TP63: variants seen among roughly 807,000 people sequenced by gnomAD.
The protein encoded by TP63 is tumor protein p63, also known as tumor protein 63.
A neutral mutation model predicts 82.8 loss-of-function variants in TP63; 17 were observed. The ratio of observed to expected loss-of-function variants is 0.21; its 90% CI spans 0.14 to 0.31. TP63 has a LOEUF of 0.31. Ranked by LOEUF, TP63 falls within the 10% of genes least tolerant of loss-of-function variation. The probability of loss-of-function intolerance (pLI) is 1.00; values close to 1 mark genes in which losing one functional copy is unlikely to be tolerated. For synonymous variants in TP63, 330 were observed against 321.7 expected (o/e 1.03, Z -0.28); for missense variants, 648 against 895.3 (o/e 0.72, Z 3.52).
chr3:189,844,374 CT>C (rs1391862906), intron 4 of TP63: 1 of 368,820 alleles, frequency 2.7e-6, no homozygotes, highest in African/African-American at 2.1e-5. Flanking sequence ...CAACCTCCGC[CT>C]TCTGGATTCA....
intron 6 of TP63, 55 bp downstream of exon 6, chr3:189,866,852 T>G (rs1717790706): frequency 7.2e-7 from 1 of 1,386,860 alleles, no homozygotes; most frequent in Non-Finnish European, 1.0e-6. Flanking sequence ...TGAGTAGACT[T>G]GAGAGAACAT....
chr3:189,627,601 A>G (rs865876064), upstream of TP63, among the ~76,000 whole-genome samples: 1 of 152,214 alleles, frequency 6.6e-6, no homozygotes, highest in African/African-American at 2.4e-5. Context: ...ACTAGTGGCT[A>G]CCACATCAGA....
At chr3:189,887,151 G>A (rs1454878029) in intron 11 of TP63, among the ~76,000 whole-genome samples, 1 of 150,162 alleles carries the variant, frequency 6.7e-6, no homozygotes, top group Non-Finnish European at 1.5e-5. Context: ...AGAGGTTGCA[G>A]TAAGGTGAGA....
chr3:189,764,822 TC>T (rs1461904535), intron 3 of TP63, among the ~76,000 whole-genome samples: 8 of 152,216 alleles, frequency 5.3e-5, no homozygotes, highest in African/African-American at 1.9e-4. Flanking sequence ...TTTTTGTACT[TC>T]GGCGGCACAG....
intron 5 of TP63, among the ~76,000 whole-genome samples, chr3:189,866,330 C>T (rs1717718615): frequency 6.6e-6 from 1 of 152,024 alleles, no homozygotes; most frequent in African/African-American, 2.4e-5. Flanking sequence ...AATTAATTTG[C>T]TTATTTCCCT....
intron 4 of TP63, among the ~76,000 whole-genome samples, chr3:189,840,364 T>C (rs1280657989): frequency 1.5e-4 from 18 of 119,982 alleles, no homozygotes; most frequent in South Asian, 2.8e-4. Context: ...TTCGTCTTTT[T>C]TTTTTTTTTT....
At chr3:189,889,066 A>T (rs924559308) in intron 11 of TP63, among the ~76,000 whole-genome samples, 3 of 152,346 alleles carry the variant, frequency 2.0e-5, no homozygotes, top group Admixed American at 2.0e-4. Context: ...ATTAAGAGCA[A>T]TTAGCAATTA....
At chr3:189,786,337 A>G (rs1210359429) in intron 3 of TP63, among the ~76,000 whole-genome samples, 1 of 151,916 alleles carries the variant, frequency 6.6e-6, no homozygotes, top group Admixed American at 6.6e-5. Context: ...GAAACACAGT[A>G]AGTCATAAAA....
intron 4 of TP63, among the ~76,000 whole-genome samples, chr3:189,821,758 T>A (rs886995471): frequency 6.6e-6 from 1 of 152,234 alleles, no homozygotes; most frequent in African/African-American, 2.4e-5. Context: ...AAAAATGCAA[T>A]ACTTTGAATT....
chr3:189,647,176 T>C (rs11708944), intron 1 of TP63, among the ~76,000 whole-genome samples: 65,391 of 145,338 alleles, frequency 0.45, 18,731 homozygotes, highest in Middle Eastern at 0.66. Context: ...GGTGGTTAGT[T>C]TTTAATACCC....
intron 1 of TP63, among the ~76,000 whole-genome samples, chr3:189,661,107 G>A (rs536301495): frequency 2.0e-5 from 3 of 151,866 alleles, no homozygotes; most frequent in African/African-American, 4.8e-5. Context: ...GCCAGTATTA[G>A]GTTGAATAGA....
intron 3 of TP63, among the ~76,000 whole-genome samples, chr3:189,749,889 C>T (rs113543269): frequency 7.2e-5 from 11 of 151,882 alleles, no homozygotes; most frequent in African/African-American, 2.4e-4. Flanking sequence ...TTTGGGAGCC[C>T]GAGGCAGGCA....
chr3:189,848,239 T>TTCTCTCTCTCTC (rs59468983), intron 4 of TP63, among the ~76,000 whole-genome samples: 2,623 of 95,960 alleles, frequency 0.027, 220 homozygotes, highest in African/African-American at 0.06. Context: ...CTCCTCCTCC[T>TTCTCTCTCTCTC]TCTCTCTCTC....
intron 3 of TP63, among the ~76,000 whole-genome samples, chr3:189,768,149 T>C (rs1236225594): frequency 6.6e-6 from 1 of 152,178 alleles, no homozygotes; most frequent in Non-Finnish European, 1.5e-5. Context: ...TTGTTGCTGC[T>C]GTTGCTGTTG....
At chr3:189,802,454 G>A (rs914355189) in intron 3 of TP63, among the ~76,000 whole-genome samples, 4 of 152,188 alleles carry the variant, frequency 2.6e-5, no homozygotes, top group African/African-American at 9.7e-5. Flanking sequence ...TTATAGCATT[G>A]TTTTAACGTA....
At chr3:189,837,791 T>C (rs1713367394) in intron 4 of TP63, among the ~76,000 whole-genome samples, 1 of 151,682 alleles carries the variant, frequency 6.6e-6, no homozygotes, top group Non-Finnish European at 1.5e-5. Context: ...CTAATTTATG[T>C]ATTTTTTTTT....
chr3:189,783,535 A>G (rs971734081), intron 3 of TP63, among the ~76,000 whole-genome samples: 23 of 151,934 alleles, frequency 1.5e-4, no homozygotes, highest in Non-Finnish European at 2.4e-4. Context: ...TAAAATAATT[A>G]GAGTTTTTAT....
At chr3:189,864,460 G>C in intron 5 of TP63, 42 bp downstream of exon 5, 1 of 1,577,428 alleles carries the variant, frequency 6.3e-7, no homozygotes, top group Non-Finnish European at 8.6e-7. Context: ...CCTCCTTGAA[G>C]GTCAAGATTC....
At chr3:189,679,897 G>C (rs1279607547) in intron 1 of TP63, among the ~76,000 whole-genome samples, 1 of 151,802 alleles carries the variant, frequency 6.6e-6, no homozygotes, top group Non-Finnish European at 1.5e-5. Flanking sequence ...GTATGTTCTT[G>C]GCACTTTGTG....
Sources: gnomAD v4.1 joint callset for allele counts (sites outside exome capture counted in the v4.1 genomes callset) on GRCh38, gnomAD v4.1.1 for gene constraint, MANE v1.5 for transcripts, NCBI Gene and HGNC (gene_info 2026-07-23, HGNC 2026-07-21) for gene names.